ADGRG1: variants seen among roughly 807,000 people sequenced by gnomAD.
ADGRG1 encodes 7-transmembrane protein with no EGF-like N-terminal domains-1.
Under a neutral mutation model 73.5 loss-of-function variants are expected in ADGRG1, and 53 were observed. That is an observed-to-expected ratio of 0.72 (90% confidence interval 0.58 to 0.91). The LOEUF (loss-of-function observed/expected upper bound fraction) is 0.91. ADGRG1 is among the 40% of genes least tolerant of loss of function. The pLI, the probability that ADGRG1 is intolerant of heterozygous loss-of-function variation, is 0.00. For missense variants in ADGRG1, 795 were observed against 871.8 expected (o/e 0.91, Z 1.11); for synonymous variants, 394 against 374.4 (o/e 1.05, Z -0.60).
chr16:57,659,925 C>T (rs550538404), intron 11 of ADGRG1, among the ~76,000 whole-genome samples: 16 of 152,322 alleles, frequency 1.1e-4, no homozygotes, highest in African/African-American at 3.6e-4. Flanking sequence ...AGGGGATTTA[C>T]GAGCAGGGCC....
rs949693547 is a variant in ADGRG1, at chr16:57,634,858, C to T, written c.-36+6056C>T. On this transcript the variant is annotated intron_variant, in intron 1 of 13. Coordinates refer to ENST00000562631, the MANE Select transcript of ADGRG1 (RefSeq NM_201525.4). ...TAAGCATCACATGGGTCTTTCTAGCCGCATCAGGCCATGCTTGTGGGCAGG... is the reference window on the plus strand; with the variant it reads ...TAAGCATCACATGGGTCTTTCTAGCTGCATCAGGCCATGCTTGTGGGCAGG... 22 of 561,032 alleles carry T rather than the reference C, an allele frequency of 3.9e-5. No homozygotes were observed. The South Asian group carries it at 6.2e-4, about 16-fold the overall frequency. The allele number at this position is 561,032 out of a possible 1,614,324, so 34.8% of individuals were successfully genotyped here.
intron 13 of ADGRG1, chr16:57,663,069 T>C (rs2148647042): frequency 2.0e-6 from 2 of 985,336 alleles, no homozygotes; most frequent in Middle Eastern, 5.2e-4. Flanking sequence ...GGATACATCA[T>C]AGTGCTATTA....
chr16:57,631,178 C>T (rs1455545967), intron 1 of ADGRG1: 2 of 986,160 alleles, frequency 2.0e-6, no homozygotes, highest in South Asian at 4.7e-5. Flanking sequence ...GGCGCCCAGT[C>T]GAGGGGAAGG....
intron 1 of ADGRG1, chr16:57,633,971 G>A (rs1354813058): frequency 3.7e-6 from 2 of 538,736 alleles, no homozygotes. Flanking sequence ...CCAGGTTTTG[G>A]AGTGAGTTAA....
intron 1 of ADGRG1, among the ~76,000 whole-genome samples, chr16:57,649,767 G>A (rs1488518138): frequency 6.6e-6 from 1 of 151,686 alleles, no homozygotes; most frequent in African/African-American, 2.4e-5. Context: ...CTGGACTCTG[G>A]ACAGCCACTC....
intron 1 of ADGRG1, chr16:57,647,991 C>T (rs2043105893): frequency 1.3e-5 from 2 of 153,900 alleles, no homozygotes; most frequent in Admixed American, 6.5e-5. Flanking sequence ...AGTGAAGGCT[C>T]ACTTTGAAGG....
intron 1 of ADGRG1, chr16:57,632,143 C>T: frequency 1.0e-6 from 1 of 985,476 alleles, no homozygotes. Flanking sequence ...ACCCAGTGAG[C>T]AACCCCACAT....
chr16:57,628,185 G>T (rs558272881), upstream of ADGRG1: 58 of 985,158 alleles, frequency 5.9e-5, no homozygotes, highest in Non-Finnish European at 7.0e-5. Flanking sequence ...ACTGGCTCCC[G>T]TCGGCTGCCA....
chr16:57,626,550 C>T (rs1301990324), upstream of ADGRG1: 18 of 979,020 alleles, frequency 1.8e-5, no homozygotes, highest in Non-Finnish European at 2.2e-5. Flanking sequence ...GTGAGAGAGG[C>T]AGGCAGAGCT....
intron 13 of ADGRG1, among the ~76,000 whole-genome samples, chr16:57,662,290 T>C (rs1454477383): frequency 6.6e-6 from 1 of 152,170 alleles, no homozygotes; most frequent in East Asian, 1.9e-4. Flanking sequence ...AGGGACATCG[T>C]CGTGAGCACG....
intron 1 of ADGRG1, chr16:57,647,767 TG>T: frequency 1.0e-6 from 1 of 982,898 alleles, no homozygotes; most frequent in Non-Finnish European, 1.2e-6. Flanking sequence ...ACAGCTGAGG[TG>T]GAGTGGGGAT....
At chr16:57,647,495 G>A (rs1395503516) in intron 1 of ADGRG1, 1 of 923,614 alleles carries the variant, frequency 1.1e-6, no homozygotes, top group East Asian at 1.2e-4. Flanking sequence ...GCCGTTTACA[G>A]GTATCAATTC....
Position 57,653,223 on chromosome 16 carries a change from C to T in ADGRG1, c.508C>T (p.His170Tyr), listed in dbSNP as rs1379144319. ...SFHSPPHTAA[H>Y]NASVDMCELK... ...CCCAGGTCCTCCCCACACGGCCGCT[C>T]ACAATGCCTCGGTGGACATGTGCGA... Residue 170 changes from histidine to tyrosine, a missense_variant, in exon 4 of 14, where the codon CAC (histidine) becomes TAC (tyrosine). Coordinates refer to ENST00000562631, the MANE Select transcript of ADGRG1 (RefSeq NM_201525.4). The T allele has an allele frequency of 6.2e-7, 1 of 1,611,240 alleles. No individual in the cohort carries two copies. Among genetic ancestry groups the T allele is most frequent in the Non-Finnish European group, 8.5e-7 (1 of 1,179,970 alleles).
intron 1 of ADGRG1, among the ~76,000 whole-genome samples, chr16:57,649,283 A>G (rs1444071332): frequency 6.6e-6 from 1 of 152,048 alleles, no homozygotes; most frequent in Non-Finnish European, 1.5e-5. Flanking sequence ...TTCACTGTCC[A>G]TCCCCACAGC....
chr16:57,652,316 T>TG (rs1203802326), intron 3 of ADGRG1, among the ~76,000 whole-genome samples: 8 of 151,636 alleles, frequency 5.3e-5, no homozygotes, highest in African/African-American at 1.9e-4. Flanking sequence ...GAAGGTTTAC[T>TG]GGGGGGTTTT....
intron 3 of ADGRG1, chr16:57,651,867 T>G (rs1597470002): frequency 1.4e-6 from 2 of 1,430,628 alleles, no homozygotes; most frequent in African/African-American, 1.4e-5. Flanking sequence ...CAGGCAGGGG[T>G]GAGGATGGAA....
At chr16:57,633,021 C>T in intron 1 of ADGRG1, 3 of 874,812 alleles carry the variant, frequency 3.4e-6, no homozygotes, top group Non-Finnish European at 4.1e-6. Flanking sequence ...GTCCCCAGGT[C>T]TCTGTCCTCC....
chr16:57,662,905 G>A, intron 13 of ADGRG1: 1 of 985,074 alleles, frequency 1.0e-6, no homozygotes. Flanking sequence ...TCCCATACAG[G>A]GTCACCCTAG....
chr16:57,626,859 A>G, upstream of ADGRG1: 1 of 978,848 alleles, frequency 1.0e-6, no homozygotes, highest in Non-Finnish European at 1.2e-6. Flanking sequence ...TATGTCAGGG[A>G]CAACCCATCC....
Sources: gnomAD v4.1 joint callset for allele counts (sites outside exome capture counted in the v4.1 genomes callset) on GRCh38, gnomAD v4.1.1 for gene constraint, MANE v1.5 for transcripts, NCBI Gene and HGNC (gene_info 2026-07-23, HGNC 2026-07-21) for gene names.